ITGB1: variants seen among roughly 807,000 people sequenced by gnomAD.
The protein encoded by ITGB1 is integrin beta-1.
In ITGB1, 24 loss-of-function variants were observed where a neutral mutation model predicts 86.5. The observed-to-expected ratio is 0.28, with a 90% confidence interval of 0.20 to 0.39. The LOEUF (loss-of-function observed/expected upper bound fraction) is 0.39. Among genes scored for constraint, ITGB1 ranks in the 10% least tolerant of loss-of-function variants. The probability of loss-of-function intolerance (pLI) is 1.00; values close to 1 mark genes in which losing one functional copy is unlikely to be tolerated. For synonymous variants in ITGB1, 323 were observed against 316.8 expected, an observed-to-expected ratio of 1.02 and a Z score of -0.21; for missense variants, 556 against 946.9, an observed-to-expected ratio of 0.59 and a Z score of 5.42.
At chr10:32,923,848 T>A in intron 6 of ITGB1, 108 bp from the exon 7 acceptor site, 3 of 875,030 alleles carry the variant, frequency 3.4e-6, no homozygotes, top group Non-Finnish European at 5.2e-6. Context: ...AATTCTGTAT[T>A]TTCTGTGTCT....
At chr10:32,916,885 A>T (rs1475517814) in intron 11 of ITGB1, among the ~76,000 whole-genome samples, 4 of 151,946 alleles carry the variant, frequency 2.6e-5, no homozygotes, top group Non-Finnish European at 5.9e-5. Context: ...CATTGCCAAG[A>T]CAATCCTAAG....
intron 6 of ITGB1, among the ~76,000 whole-genome samples, chr10:32,925,237 A>G (rs1343943135): frequency 6.6e-6 from 1 of 152,218 alleles, no homozygotes; most frequent in Non-Finnish European, 1.5e-5. Flanking sequence ...TAGCTGCTAC[A>G]TGGATCATAA....
At chr10:32,932,746 A>G (rs2094987862) in intron 2 of ITGB1, 146 bp from the exon 3 acceptor site, 1 of 558,464 alleles carries the variant, frequency 1.8e-6, no homozygotes, top group South Asian at 2.1e-5. Flanking sequence ...CCTTCCCCAA[A>G]GAGAGCAGGA....
Position 32,944,881 on chromosome 10 carries a change from A to G in ITGB1, c.1-9323T>C, listed in dbSNP as rs1593884638. On this transcript the variant is annotated intron_variant, in intron 1 of 15. Coordinates refer to ENST00000302278, the MANE Select transcript of ITGB1 (RefSeq NM_002211.4). ...TCATTCAGCATGAGGATGATAAACC[A>G]GAGACGGTTATCAAAAGACTAAAGG... 6.0e-6 allele frequency: 8 copies of G among 1,335,784 alleles called. No individual in the cohort carries two copies. In the South Asian group the frequency reaches 8.2e-5, roughly 14 times the overall value. 82.7% of individuals were successfully genotyped at this position (1,335,784 alleles called of 1,614,324 possible). A position where few individuals can be genotyped will look rare whatever the true frequency, so the allele number is the denominator to read the frequency against.
chr10:32,940,823 G>T (rs563224708), intron 1 of ITGB1, among the ~76,000 whole-genome samples: 19 of 152,286 alleles, frequency 1.2e-4, no homozygotes, highest in African/African-American at 4.1e-4. Flanking sequence ...AAAGCAACAT[G>T]TAAGACTATT....
intron 6 of ITGB1, among the ~76,000 whole-genome samples, chr10:32,924,660 T>A (rs1451034983): frequency 2.0e-5 from 3 of 152,038 alleles, no homozygotes; most frequent in Non-Finnish European, 4.4e-5. Context: ...GAGAATGCCC[T>A]CCCCACAACG....
intron 1 of ITGB1, chr10:32,953,473 G>A (rs11009157): frequency 0.26 from 38,821 of 151,844 alleles, 5,123 homozygotes; most frequent in South Asian, 0.45. Context: ...GACAGGGACA[G>A]ATGTTGCTGG....
At chr10:32,940,377 G>C (rs990469546) in intron 1 of ITGB1, among the ~76,000 whole-genome samples, 1 of 151,830 alleles carries the variant, frequency 6.6e-6, no homozygotes, top group Non-Finnish European at 1.5e-5. Context: ...ATATAGTGCA[G>C]TAAATATATA....
chr10:32,939,009 A>G (rs930596113), intron 1 of ITGB1, among the ~76,000 whole-genome samples: 2 of 152,148 alleles, frequency 1.3e-5, no homozygotes, highest in African/African-American at 4.8e-5. Flanking sequence ...GCACATGCGC[A>G]TGGAAGGGGA....
intron 2 of ITGB1, among the ~76,000 whole-genome samples, chr10:32,934,415 T>TG (rs1480391630): frequency 6.6e-6 from 1 of 152,222 alleles, no homozygotes; most frequent in Admixed American, 6.5e-5. Context: ...GCAAATATCA[T>TG]GCCATTTTAT....
At chr10:32,905,566 A>G (rs985895492) in intron 15 of ITGB1, among the ~76,000 whole-genome samples, 11 of 152,212 alleles carry the variant, frequency 7.2e-5, no homozygotes, top group Admixed American at 4.6e-4. Flanking sequence ...ACCAAGTACA[A>G]TGTCATAGAC....
intron 1 of ITGB1, among the ~76,000 whole-genome samples, chr10:32,939,117 T>C (rs751085231): frequency 1.1e-4 from 16 of 152,210 alleles, no homozygotes; most frequent in Non-Finnish European, 1.8e-4. Flanking sequence ...CTGGATGCCC[T>C]AGGCTTAAAA....
chr10:32,930,279 G>A (rs1056609313), intron 3 of ITGB1, among the ~76,000 whole-genome samples: 1 of 152,118 alleles, frequency 6.6e-6, no homozygotes, highest in Non-Finnish European at 1.5e-5. Context: ...AGTGTACACA[G>A]TAAATGCTCT....
At chr10:32,917,956 A>G (rs2094937169) in intron 11 of ITGB1, among the ~76,000 whole-genome samples, 1 of 152,250 alleles carries the variant, frequency 6.6e-6, no homozygotes, top group Admixed American at 6.5e-5. Context: ...AATGTCCATC[A>G]ATGATAGACT....
At chr10:32,902,853 T>G (rs1338202475) in intron 15 of ITGB1, among the ~76,000 whole-genome samples, 1 of 152,198 alleles carries the variant, frequency 6.6e-6, no homozygotes, top group Non-Finnish European at 1.5e-5. Flanking sequence ...AATAAGGCAC[T>G]CTGATGAAGT....
intron 2 of ITGB1, among the ~76,000 whole-genome samples, chr10:32,934,556 C>T (rs1465731342): frequency 6.6e-6 from 1 of 152,092 alleles, no homozygotes; most frequent in Non-Finnish European, 1.5e-5. Context: ...ACCATTTTAC[C>T]ACATTTCCAA....
chr10:32,922,301 C>G lies in ITGB1; in HGVS notation c.1084G>C (p.Ala362Pro). The change falls in exon 9 of 16, where the codon GCA (alanine) becomes CCA (proline). Residue 362 changes from alanine to proline, a missense_variant. Physicochemically the swap from Ala to Pro is conservative, Grantham distance 27 (BLOSUM62 -1). Transcript: ENST00000302278. ...IPKSAVGTLS[A>P]NSSNVIQLII... The stretch of plus-strand genomic sequence containing the variant: ...AACTGAATTACATTGCTAGAATTTG[C>G]AGATAATGTTCCTACTGCTGACTTA... The G allele has an allele frequency of 6.2e-7, 1 of 1,609,048 alleles. No homozygotes were observed. The highest frequency in any genetic ancestry group is 8.5e-7 in the Non-Finnish European group (1 of 1,177,824).
intron 11 of ITGB1, among the ~76,000 whole-genome samples, chr10:32,913,540 G>A (rs900522479): frequency 3.9e-5 from 6 of 152,146 alleles, no homozygotes; most frequent in East Asian, 1.9e-4. Flanking sequence ...TTCAGTAGCC[G>A]ATTCGATCCA....
chr10:32,945,906 T>C (rs151165272), intron 1 of ITGB1, among the ~76,000 whole-genome samples: 1 of 152,346 alleles, frequency 6.6e-6, no homozygotes, highest in Admixed American at 6.5e-5. Context: ...CAATTTGCTA[T>C]AAAAATGTAT....
Sources: allele counts gnomAD v4.1 joint callset (sites outside exome capture counted in the v4.1 genomes callset), GRCh38; gene constraint gnomAD v4.1.1; transcripts MANE v1.5; gene names NCBI Gene and HGNC (gene_info 2026-07-23, HGNC 2026-07-21).